Variants in PPM1E observed in about 807,000 individuals in gnomAD.
PPM1E encodes the protein protein phosphatase, Mg2+/Mn2+ dependent 1E.
A neutral mutation model predicts 65.9 loss-of-function variants in PPM1E; 20 were observed. The ratio of observed to expected loss-of-function variants is 0.30; its 90% CI spans 0.21 to 0.44. The LOEUF (loss-of-function observed/expected upper bound fraction) is 0.44, where lower values mean the gene tolerates loss of function less well. Among genes scored for constraint, PPM1E ranks in the 20% least tolerant of loss-of-function variants. PPM1E has a pLI of 1.00. For synonymous variants in PPM1E, 352 were observed against 374.9 expected (o/e 0.94, Z 0.70); for missense variants, 713 against 953.1 (o/e 0.75, Z 3.32).
At chr17:58,814,004 C>T (rs766546907) in intron 1 of PPM1E, among the ~76,000 whole-genome samples, 26 of 151,742 alleles carry the variant, frequency 1.7e-4, no homozygotes, top group Middle Eastern at 3.2e-3. Context: ...GAAATAGTCC[C>T]CTAAATAATG....
At chr17:58,829,705 G>T (rs2050578888) in intron 1 of PPM1E, among the ~76,000 whole-genome samples, 1 of 152,002 alleles carries the variant, frequency 6.6e-6, no homozygotes. Flanking sequence ...TTTGCTGGTG[G>T]ACATCCTTTA....
chr17:58,977,767 G>T (rs2031104423), intron 6 of PPM1E, among the ~76,000 whole-genome samples: 1 of 152,158 alleles, frequency 6.6e-6, no homozygotes, highest in Admixed American at 6.5e-5. Context: ...TTTTGAGACA[G>T]AGTCTCCCTC....
chr17:58,828,320 C>G (rs996591441), intron 1 of PPM1E, among the ~76,000 whole-genome samples: 6 of 151,948 alleles, frequency 3.9e-5, no homozygotes, highest in Admixed American at 3.9e-4. Context: ...GTCTCTTACC[C>G]TTTTCTTCTT....
chr17:58,926,665 A>G (rs2051827318), intron 1 of PPM1E, among the ~76,000 whole-genome samples: 1 of 152,168 alleles, frequency 6.6e-6, no homozygotes, highest in African/African-American at 2.4e-5. Flanking sequence ...ATTGAAGAGT[A>G]GCTTGAAATT....
chr17:58,948,503 T>C (rs1368825108), intron 1 of PPM1E, among the ~76,000 whole-genome samples: 1 of 152,204 alleles, frequency 6.6e-6, no homozygotes, highest in Non-Finnish European at 1.5e-5. Context: ...AGTTTAATTT[T>C]TATGTTTATC....
intron 1 of PPM1E, among the ~76,000 whole-genome samples, chr17:58,824,422 A>G (rs1337165640): frequency 1.3e-5 from 2 of 152,156 alleles, no homozygotes; most frequent in East Asian, 1.9e-4. Context: ...TGTGTACTCA[A>G]AAGCTTATAT....
At chr17:58,855,485 G>A (rs139376388) in intron 1 of PPM1E, among the ~76,000 whole-genome samples, 1 of 152,110 alleles carries the variant, frequency 6.6e-6, no homozygotes, top group South Asian at 2.1e-4. Flanking sequence ...CGTTACTAAA[G>A]GCCTAGTTAT....
chr17:58,978,713 A>T (rs2031177425), intron 6 of PPM1E, among the ~76,000 whole-genome samples: 1 of 152,162 alleles, frequency 6.6e-6, no homozygotes, highest in Non-Finnish European at 1.5e-5. Flanking sequence ...AATAAAAATA[A>T]AAAAGTGAAT....
At chr17:58,762,059 G>T (rs190271482) in intron 1 of PPM1E, among the ~76,000 whole-genome samples, 560 of 152,286 alleles carry the variant, frequency 3.7e-3, no homozygotes, top group Non-Finnish European at 5.7e-3. Flanking sequence ...CAGCTTATGG[G>T]GGTTGACCGT....
At chr17:58,952,285 G>T (rs1237304688) in intron 1 of PPM1E, among the ~76,000 whole-genome samples, 2 of 152,206 alleles carry the variant, frequency 1.3e-5, no homozygotes, top group African/African-American at 4.8e-5. Context: ...TGTGGCCATG[G>T]ACTGTTACTC....
chr17:58,921,950 G>T (rs2051757183), intron 1 of PPM1E, among the ~76,000 whole-genome samples: 1 of 151,494 alleles, frequency 6.6e-6, no homozygotes, highest in African/African-American at 2.4e-5. Flanking sequence ...TGAGGCAGGA[G>T]AATTGCTTGA....
intron 1 of PPM1E, chr17:58,836,030 G>A (rs960572440): frequency 1.3e-5 from 2 of 152,146 alleles, no homozygotes; most frequent in Non-Finnish European, 2.9e-5. Context: ...GAACAGTCAA[G>A]TAATTAATTG....
At chr17:58,852,823 C>T (rs1194231314) in intron 1 of PPM1E, among the ~76,000 whole-genome samples, 1 of 151,988 alleles carries the variant, frequency 6.6e-6, no homozygotes, top group South Asian at 2.1e-4. Context: ...AGGATGGTCT[C>T]GATCTCTTGA....
chr17:58,812,303 CAAAAAAAAAAAAA>C lies in PPM1E; in HGVS notation c.464+55856_464+55868del, dbSNP rs35132799. Among the ~76,000 whole-genome samples, 13 of 49,784 alleles carry C rather than the reference CAAAAAAAAAAAAA, an allele frequency of 2.6e-4. No individual in the cohort carries two copies. In the East Asian group the frequency reaches 5.6e-3, roughly 21 times the overall value. The allele number at this position is 49,784 out of a possible 152,430, so 32.7% of individuals were successfully genotyped here. A position where few individuals can be genotyped will look rare whatever the true frequency, so the allele number is the denominator to read the frequency against. Reference sequence around the variant, plus strand: ...TGGGCGACAGAGCAAGACTCTGTTTCAAAAAAAAAAAAAAAAAAAAAAAAAAGAATAGGGAGTT... The same window carrying C: ...TGGGCGACAGAGCAAGACTCTGTTTCAAAAAAAAAAAAAGAATAGGGAGTT... On this transcript the variant is annotated intron_variant, in intron 1 of 6. Transcript: ENST00000308249.
intron 6 of PPM1E, 106 bp downstream of exon 6, chr17:58,973,031 T>C: frequency 1.4e-6 from 1 of 692,830 alleles, no homozygotes; most frequent in Admixed American, 2.9e-5. Flanking sequence ...GTTACCAGAA[T>C]GCTTATTATT....
chr17:58,938,074 A>C (rs2052010434), intron 1 of PPM1E, among the ~76,000 whole-genome samples: 1 of 152,154 alleles, frequency 6.6e-6, no homozygotes, highest in Non-Finnish European at 1.5e-5. Flanking sequence ...AGGAATATAT[A>C]GCATTTGTTT....
chr17:58,957,611 A>G (rs544864735), intron 2 of PPM1E, among the ~76,000 whole-genome samples: 2 of 152,322 alleles, frequency 1.3e-5, no homozygotes, highest in African/African-American at 4.8e-5. Context: ...TTATCCATAC[A>G]TCAGAGTAGG....
chr17:58,811,741 G>C (rs960909243), intron 1 of PPM1E, among the ~76,000 whole-genome samples: 3 of 151,968 alleles, frequency 2.0e-5, no homozygotes, highest in African/African-American at 4.8e-5. Context: ...TGCGATCTCA[G>C]CCCTCTGCAA....
intron 1 of PPM1E, among the ~76,000 whole-genome samples, chr17:58,838,180 C>T (rs1036068275): frequency 6.6e-6 from 1 of 152,072 alleles, no homozygotes; most frequent in Non-Finnish European, 1.5e-5. Flanking sequence ...GGAGGAAAAA[C>T]ATTGATAAAA....
Sources: allele counts gnomAD v4.1 joint callset (sites outside exome capture counted in the v4.1 genomes callset), GRCh38; gene constraint gnomAD v4.1.1; transcripts MANE v1.5; gene names NCBI Gene and HGNC (gene_info 2026-07-23, HGNC 2026-07-21).